Variants in KIAA2012 observed in about 807,000 individuals in gnomAD.
The protein encoded by KIAA2012 is uncharacterized protein KIAA2012.
Under a neutral mutation model 150.6 loss-of-function variants are expected in KIAA2012, and 125 were observed. The ratio of observed to expected loss-of-function variants is 0.83; its 90% CI spans 0.72 to 0.96. KIAA2012 has a LOEUF of 0.96. KIAA2012 is among the 40% of genes least tolerant of loss of function. The pLI is 0.00. For synonymous variants in KIAA2012, 462 were observed against 504.7 expected (o/e 0.92, Z 1.13); for missense variants, 1,219 against 1,354.9 (o/e 0.90, Z 1.57).
chr2:202,199,787 G>A (rs1289864054), intron 22 of KIAA2012, among the ~76,000 whole-genome samples: 1 of 152,068 alleles, frequency 6.6e-6, no homozygotes, highest in Non-Finnish European at 1.5e-5. Flanking sequence ...GAATTTTGGG[G>A]GACCAAATGA....
intron 13 of KIAA2012, among the ~76,000 whole-genome samples, chr2:202,152,483 TAACAC>T (rs893176603): frequency 2.0e-5 from 3 of 152,240 alleles, no homozygotes; most frequent in Non-Finnish European, 4.4e-5. Context: ...TTCTCCCATC[TAACAC>T]AAAATCTTCT....
chr2:202,134,279 G>A (rs527617522), intron 12 of KIAA2012, among the ~76,000 whole-genome samples: 1 of 152,192 alleles, frequency 6.6e-6, no homozygotes, highest in Non-Finnish European at 1.5e-5. Flanking sequence ...CATAGACAAA[G>A]GCCCTGAACG....
chr2:202,202,698 C>T (rs1236159322), intron 23 of KIAA2012, 111 bp downstream of exon 23: 2 of 390,322 alleles, frequency 5.1e-6, no homozygotes, highest in Non-Finnish European at 4.5e-6. Flanking sequence ...GAGGCTGAGG[C>T]GGGAGGCTTG....
chr2:202,126,977 T>C (rs1248533719), intron 12 of KIAA2012, among the ~76,000 whole-genome samples: 2 of 152,162 alleles, frequency 1.3e-5, no homozygotes, highest in Admixed American at 6.6e-5. Flanking sequence ...TAATGACATA[T>C]GCAAACAAAT....
intron 12 of KIAA2012, among the ~76,000 whole-genome samples, chr2:202,132,803 T>TA (rs200904433): frequency 0.077 from 5,262 of 68,714 alleles, 201 homozygotes; most frequent in Non-Finnish European, 0.1. Flanking sequence ...TATATATATA[T>TA]TTTTTTTTTC....
At chr2:202,106,422 A>C (rs1690191711) in intron 9 of KIAA2012, among the ~76,000 whole-genome samples, 2 of 152,214 alleles carry the variant, frequency 1.3e-5, no homozygotes, top group South Asian at 2.1e-4. Flanking sequence ...GCGGTGGCTC[A>C]TGCCTATAAT....
intron 10 of KIAA2012, among the ~76,000 whole-genome samples, chr2:202,111,376 G>A (rs552079678): frequency 4.0e-5 from 6 of 151,234 alleles, no homozygotes; most frequent in African/African-American, 1.2e-4. Flanking sequence ...CAGGCATGGT[G>A]GTGTACATCT....
Position 202,204,720 on chromosome 2 carries a change from T to C in KIAA2012, c.*21-278T>C, listed in dbSNP as rs372152379. Among the ~76,000 whole-genome samples the C allele has an allele frequency of 9.6e-5, 14 of 146,020 alleles. No homozygotes were observed. In the East Asian group the frequency reaches 2.1e-3, roughly 21 times the overall value. On this transcript the variant is annotated intron_variant, in intron 23 of 23. Coordinates refer to ENST00000498697, the MANE Select transcript of KIAA2012 (RefSeq NM_001277372.4). ...TAGATGTGCTTAGATTTGATACTTA[T>C]TTTAACTCCTTTTTTGTAAAAATTA...
chr2:202,159,735 A>C (rs886130950), intron 14 of KIAA2012, among the ~76,000 whole-genome samples: 3 of 152,126 alleles, frequency 2.0e-5, no homozygotes, highest in Non-Finnish European at 2.9e-5. Context: ...CCAGCTACTC[A>C]GGGGGCTGAG....
chr2:202,106,343 G>A (rs1001702102), intron 9 of KIAA2012, among the ~76,000 whole-genome samples: 1 of 152,144 alleles, frequency 6.6e-6, no homozygotes, highest in Non-Finnish European at 1.5e-5. Flanking sequence ...TTTAAACAAT[G>A]AAATTTCATT....
In KIAA2012 at chr2:202,190,167, C is replaced by T; in HGVS notation, c.2492-7C>T. 1.3e-6 allele frequency: 2 copies of T among 1,511,256 alleles called. No individual in the cohort carries two copies. Among genetic ancestry groups the T allele is most frequent in the Non-Finnish European group, 8.8e-7 (1 of 1,135,386 alleles). The allele number at this position is 1,511,256 out of a possible 1,614,324, so 93.6% of individuals were successfully genotyped here. On this transcript the variant is annotated splice_region_variant and splice_polypyrimidine_tract_variant and intron_variant, in intron 18 of 23. Coordinates refer to ENST00000498697, the MANE Select transcript of KIAA2012 (RefSeq NM_001277372.4). Reference sequence around the variant, plus strand: ...CTATATCTCTATCCCCAATTGTTCTCCCCCAGGAAAGTCAAAGGACTCAAA... The same window carrying T: ...CTATATCTCTATCCCCAATTGTTCTTCCCCAGGAAAGTCAAAGGACTCAAA...
chr2:202,105,995 G>C, intron 9 of KIAA2012, 85 bp downstream of exon 9: 2 of 1,549,008 alleles, frequency 1.3e-6, no homozygotes, highest in Non-Finnish European at 1.7e-6. Flanking sequence ...CACAGCCAAG[G>C]AAAAGGAGTC....
intron 12 of KIAA2012, among the ~76,000 whole-genome samples, chr2:202,127,100 AGAG>A (rs568315554): frequency 7.9e-6 from 1 of 126,046 alleles, no homozygotes; most frequent in East Asian, 2.3e-4. Context: ...CATAGGGAGA[AGAG>A]GAGAAGCTGG....
chr2:202,131,982 C>A (rs1441034827), intron 12 of KIAA2012, among the ~76,000 whole-genome samples: 2 of 151,850 alleles, frequency 1.3e-5, no homozygotes, highest in African/African-American at 2.4e-5. Flanking sequence ...TCAAGACCAG[C>A]CTGACCAGAG....
intron 22 of KIAA2012, among the ~76,000 whole-genome samples, chr2:202,200,636 T>C (rs192192055): frequency 1.4e-3 from 206 of 152,092 alleles, no homozygotes; most frequent in African/African-American, 4.7e-3. Flanking sequence ...CACTAATGCG[T>C]TCCATTTATA....
At chr2:202,126,077 C>T (rs1690780677) in intron 12 of KIAA2012, among the ~76,000 whole-genome samples, 1 of 150,320 alleles carries the variant, frequency 6.7e-6, no homozygotes, top group Admixed American at 6.7e-5. Flanking sequence ...GCCTCAGCCT[C>T]CTGAGTAGGC....
chr2:202,111,063 T>C (rs182523603), intron 10 of KIAA2012, among the ~76,000 whole-genome samples: 35 of 152,274 alleles, frequency 2.3e-4, no homozygotes, highest in Admixed American at 1.4e-3. Context: ...TTCATTTTGA[T>C]ACAATTGAAC....
rs368025289 is a variant in KIAA2012, at chr2:202,156,667, C to G, written c.2046+1857C>G. 5.5e-4 allele frequency among the ~76,000 whole-genome samples: 84 copies of G among 152,226 alleles called. 1 individual carries two copies. The highest frequency in any genetic ancestry group is 1.4e-3 in the African/African-American group (59 of 41,534). ...TTGGGAGGCCAAGGCGGGCAGATCA[C>G]GAGGTCAGGAGATCGAGACCAGCCT... On this transcript the variant is annotated intron_variant, in intron 14 of 23. Coordinates refer to ENST00000498697, the MANE Select transcript of KIAA2012 (RefSeq NM_001277372.4).
At chr2:202,162,953 G>C (rs188478821) in intron 14 of KIAA2012, among the ~76,000 whole-genome samples, 9 of 150,006 alleles carry the variant, frequency 6.0e-5, no homozygotes, top group African/African-American at 2.5e-5. Context: ...AAAAAGAGAT[G>C]CTTGTGCTTT....
Sources: allele counts gnomAD v4.1 joint callset (sites outside exome capture counted in the v4.1 genomes callset), GRCh38; gene constraint gnomAD v4.1.1; transcripts MANE v1.5; gene names NCBI Gene and HGNC (gene_info 2026-07-23, HGNC 2026-07-21).